CXCL14: variants seen among roughly 807,000 people sequenced by gnomAD.
CXCL14 encodes the protein C-X-C motif chemokine 14.
In CXCL14, 9 loss-of-function variants were observed where a neutral mutation model predicts 16.1. That is an observed-to-expected ratio of 0.56 (90% CI 0.34 to 0.97). The LOEUF is 0.97. Ranked by LOEUF, CXCL14 falls within the 50% of genes least tolerant of loss-of-function variation. The pLI, the probability that CXCL14 is intolerant of heterozygous loss-of-function variation, is 0.02. For synonymous variants in CXCL14, 55 were observed against 52.8 expected, an observed-to-expected ratio of 1.04 and a Z score of -0.18; for missense variants, 111 against 132.5, an observed-to-expected ratio of 0.84 and a Z score of 0.80.
Position 135,578,726 on chromosome 5 carries a change from G to T in CXCL14, c.53C>A (p.Ala18Glu). 2 of 1,550,074 alleles carry T rather than the reference G, an allele frequency of 1.3e-6. No homozygotes were observed. The highest frequency in any genetic ancestry group is 8.7e-7 in the Non-Finnish European group (1 of 1,146,894). Residue 18 changes from alanine (A) to glutamate (E), a missense_variant, in exon 1 of 4, where the codon GCG becomes GAG. Ala to Glu is a moderately radical substitution (Grantham distance 107). Transcript: ENST00000512158. ...CTCCCCGCACTCACCGTCCACACGC[G>T]CGGTGTACAGCGCCAGCAGCAGCAG... The part of the protein sequence containing the change: ...LLLLLLALYT[A>E]RVDGSKCKCS...
Position 135,571,727 on chromosome 5 carries a change from T to C in CXCL14, c.*126A>G. ...CAATATATAATTTGTGTCTTATGCC[T>C]GTGAGAAAGAAAGGCTTTTTTTTTT... On this transcript the variant is annotated 3_prime_UTR_variant, in exon 4 of 4. Transcript: ENST00000512158. The C allele has an allele frequency of 2.1e-6, 2 of 941,232 alleles. No individual in the cohort carries two copies. Among genetic ancestry groups the C allele is most frequent in the Non-Finnish European group, 1.5e-6 (1 of 655,808 alleles). The allele number at this position is 941,232 out of a possible 1,614,324, so 58.3% of individuals were successfully genotyped here.
intron 2 of CXCL14, among the ~76,000 whole-genome samples, chr5:135,577,530 G>C (rs1751124435): frequency 6.6e-6 from 1 of 152,252 alleles, no homozygotes; most frequent in African/African-American, 2.4e-5. Flanking sequence ...CGCAGACACT[G>C]TGAAGGCCTT....
chr5:135,571,785 T>TTTTTTG lies in CXCL14; in HGVS notation c.*67_*68insCAAAAA. The TTTTTTG allele has an allele frequency of 2.4e-6, 1 of 412,544 alleles. No individual in the cohort carries two copies. The highest frequency in any genetic ancestry group is 4.2e-6 in the Non-Finnish European group (1 of 237,282). The allele number at this position is 412,544 out of a possible 1,614,324, so 25.6% of individuals were successfully genotyped here. ...TTTTTTTTTTTTTTTTTTTTTTTTTTAATCTGCAAAGTCCTTTGCACAAGT... is the reference window on the plus strand; with the variant it reads ...TTTTTTTTTTTTTTTTTTTTTTTTTTTTTTTGAATCTGCAAAGTCCTTTGCACAAGT... On this transcript the variant is annotated 3_prime_UTR_variant, in exon 4 of 4. Coordinates refer to ENST00000512158, the MANE Select transcript of CXCL14 (RefSeq NM_004887.5).
chr5:135,577,746 G>C (rs975180041), intron 2 of CXCL14, among the ~76,000 whole-genome samples: 1 of 152,212 alleles, frequency 6.6e-6, no homozygotes, highest in African/African-American at 2.4e-5. Context: ...AGGCGGAGGA[G>C]CAAGAAACTA....
intron 2 of CXCL14, 110 bp from the exon 3 acceptor site, chr5:135,574,795 C>T: frequency 1.2e-6 from 1 of 850,624 alleles, no homozygotes; most frequent in Non-Finnish European, 1.9e-6. Flanking sequence ...GAGACTGTGG[C>T]TTCCTGCCTC....
intron 3 of CXCL14, among the ~76,000 whole-genome samples, chr5:135,574,130 C>T (rs1404666156): frequency 1.3e-5 from 2 of 152,236 alleles, no homozygotes; most frequent in Non-Finnish European, 2.9e-5. Flanking sequence ...TCATCCTCAG[C>T]ACCTCATGGT....
Position 135,578,812 on chromosome 5 carries a change from C to T in CXCL14, c.-34G>A, listed in dbSNP as rs773218386. ...GAGGGGCGCGGCGTGGGAGCAGGGA[C>T]ATGGGGAGGGCGCTGGCCCGTCGGA... On this transcript the variant is annotated 5_prime_UTR_variant, in exon 1 of 4. An upstream start codon of the reference 5' UTR is lost. Transcript: ENST00000512158. 2 of 1,521,488 alleles carry T rather than the reference C, an allele frequency of 1.3e-6. No individual in the cohort carries two copies. Among genetic ancestry groups the T allele is most frequent in the South Asian group, 2.5e-5 (2 of 80,628 alleles). The allele number at this position is 1,521,488 out of a possible 1,614,324, so 94.2% of individuals were successfully genotyped here.
Position 135,576,788 on chromosome 5 carries a change from T to A in CXCL14, c.170+1646A>T, listed in dbSNP as rs560110957. On this transcript the variant is annotated intron_variant, in intron 2 of 3. Coordinates refer to ENST00000512158, the MANE Select transcript of CXCL14 (RefSeq NM_004887.5). ...GCCTCAGCAGAGATTTCTGGGTGAC[T>A]CAGGGTAAGCTGGAAAATTTGCTTT... Among the ~76,000 whole-genome samples, 80 of 132,694 alleles carry A rather than the reference T, an allele frequency of 6.0e-4. 1 individual carries two copies. Among genetic ancestry groups the A allele is most frequent in the Middle Eastern group, 3.6e-3 (1 of 276 alleles). 87.1% of individuals were successfully genotyped at this position (132,694 alleles called of 152,430 possible). A position where few individuals can be genotyped will look rare whatever the true frequency, so the allele number is the denominator to read the frequency against.
intron 3 of CXCL14, among the ~76,000 whole-genome samples, chr5:135,573,019 C>T (rs1349863637): frequency 3.3e-5 from 5 of 151,132 alleles, no homozygotes; most frequent in African/African-American, 1.2e-4. Flanking sequence ...GCTCTCGTTG[C>T]TTTTGTTATT....
intron 2 of CXCL14, 88 bp from the exon 3 acceptor site, chr5:135,574,773 T>C: frequency 9.0e-7 from 1 of 1,110,592 alleles, no homozygotes; most frequent in East Asian, 2.4e-5. Context: ...CTGGGCTAAG[T>C]CAGGGCCCTG....
intron 2 of CXCL14, 147 bp from the exon 3 acceptor site, chr5:135,574,832 C>T: frequency 1.5e-6 from 1 of 660,586 alleles, no homozygotes; most frequent in Admixed American, 2.5e-5. Flanking sequence ...CTTGTGTGCT[C>T]ACTTCCAAGC....
Position 135,571,540 on chromosome 5 carries a change from A to C in CXCL14, c.*313T>G. 2.6e-6 allele frequency: 1 copy of C among 383,756 alleles called. No individual in the cohort carries two copies. The highest frequency in any genetic ancestry group is 4.6e-6 in the Non-Finnish European group (1 of 215,876). The allele number at this position is 383,756 out of a possible 1,614,324, so 23.8% of individuals were successfully genotyped here. A position where few individuals can be genotyped will look rare whatever the true frequency, so the allele number is the denominator to read the frequency against. ...ATAGTGACGTATGGACAAATACAAAAAAGCATTTTTTAAAAAGGAAAGGCA... is the reference window on the plus strand; with the variant it reads ...ATAGTGACGTATGGACAAATACAAACAAGCATTTTTTAAAAAGGAAAGGCA... On this transcript the variant is annotated 3_prime_UTR_variant, in exon 4 of 4. Coordinates refer to ENST00000512158, the MANE Select transcript of CXCL14 (RefSeq NM_004887.5).
rs560223575 is a variant in CXCL14, at chr5:135,572,233, A to G, written c.285-365T>C. The stretch of plus-strand genomic sequence containing the variant: ...GGCAGGAATGTAGTCTTTCTCTAGC[A>G]TGGCGGGCTGCTCCCACACCTCCTT... On this transcript the variant is annotated intron_variant, in intron 3 of 3. Coordinates refer to ENST00000512158, the MANE Select transcript of CXCL14 (RefSeq NM_004887.5). 1.2e-3 allele frequency among the ~76,000 whole-genome samples: 185 copies of G among 152,292 alleles called. No homozygotes were observed. The Middle Eastern group carries it at 0.017, about 14-fold the overall frequency.
rs539226619 is a variant in CXCL14 at position 135,576,485 on chromosome 5, G to T, written c.171-1800C>A. On this transcript the variant is annotated intron_variant, in intron 2 of 3. Transcript: ENST00000512158. ...GGTCACTCAGCCCTCTCACTACAGT[G>T]CTCAAATGCCACGTCATAATACTGG... 1.2e-4 allele frequency among the ~76,000 whole-genome samples: 18 copies of T among 152,294 alleles called. No homozygotes were observed. In the South Asian group the frequency reaches 2.5e-3, roughly 21 times the overall value.
Position 135,575,897 on chromosome 5 carries a change from G to C in CXCL14, c.171-1212C>G, listed in dbSNP as rs374033426. Among the ~76,000 whole-genome samples, 8 of 152,170 alleles carry C rather than the reference G, an allele frequency of 5.3e-5. 1 individual carries two copies. The East Asian group carries it at 1.5e-3, about 29-fold the overall frequency. On this transcript the variant is annotated intron_variant, in intron 2 of 3. Transcript: ENST00000512158. ...GACTGGAAGTGAGAGTGGAAAGAGT[G>C]AGAAGAGAGGGACAGAGGTCAGCTA... is the stretch of plus-strand genomic sequence containing the variant.
At chr5:135,576,515 A>T (rs1165047982) in intron 2 of CXCL14, among the ~76,000 whole-genome samples, 1 of 152,194 alleles carries the variant, frequency 6.6e-6, no homozygotes, top group Admixed American at 6.5e-5. Flanking sequence ...TACTGGGATT[A>T]TGAAAATCGG....
intron 2 of CXCL14, 105 bp downstream of exon 2, chr5:135,578,329 A>G (rs1751146532): frequency 2.1e-6 from 2 of 948,798 alleles, no homozygotes; most frequent in Non-Finnish European, 1.7e-6. Context: ...GGGCCTTGAC[A>G]AAGTCGGAGA....
Position 135,578,555 on chromosome 5 carries a change from G to A in CXCL14, c.65-16C>T. 1.2e-6 allele frequency: 2 copies of A among 1,612,828 alleles called. No individual in the cohort carries two copies. The highest frequency in any genetic ancestry group is 2.2e-5 in the South Asian group (2 of 91,044). ...CATTTGGACCCTGCGAGCGAGCGCG[G>A]GGCAACGGCTTAGTTGCTAGGCGGT... is the stretch of plus-strand genomic sequence containing the variant. On this transcript the variant is annotated splice_polypyrimidine_tract_variant and intron_variant, in intron 1 of 3. Transcript: ENST00000512158.
chr5:135,571,610 G>A lies in CXCL14; in HGVS notation c.*243C>T, dbSNP rs1247692821. 4.1e-6 allele frequency: 2 copies of A among 489,490 alleles called. No homozygotes were observed. The highest frequency in any genetic ancestry group is 3.9e-5 in the Admixed American group (1 of 25,884). The allele number at this position is 489,490 out of a possible 1,614,324, so 30.3% of individuals were successfully genotyped here. A position where few individuals can be genotyped will look rare whatever the true frequency, so the allele number is the denominator to read the frequency against. On this transcript the variant is annotated 3_prime_UTR_variant, in exon 4 of 4. Coordinates refer to ENST00000512158, the MANE Select transcript of CXCL14 (RefSeq NM_004887.5). ...TAAAAAGCAGCCTGTGATGAAGTCT[G>A]GAGCACAAGAGAGATGGGTCTCCCA... is the stretch of plus-strand genomic sequence containing the variant.
Sources: gnomAD v4.1 joint callset for allele counts (sites outside exome capture counted in the v4.1 genomes callset) on GRCh38, gnomAD v4.1.1 for gene constraint, MANE v1.5 for transcripts, NCBI Gene and HGNC (gene_info 2026-07-23, HGNC 2026-07-21) for gene names.